The following CPB1 variants were observed in gnomAD, a reference collection of about 807,000 sequenced individuals.
CPB1 encodes the protein carboxypeptidase B1.
Under a neutral mutation model 51.4 loss-of-function variants are expected in CPB1, and 53 were observed. The observed-to-expected ratio is 1.03, with a 90% confidence interval of 0.83 to 1.30. The LOEUF is 1.30. Ranked by LOEUF, CPB1 falls within the 50% of genes most tolerant of loss-of-function variation. The pLI, the probability that CPB1 is intolerant of heterozygous loss-of-function variation, is 0.00. For missense variants in CPB1, 494 were observed against 516.2 expected (o/e 0.96, Z 0.42); for synonymous variants, 189 against 186.9 (o/e 1.01, Z -0.09).
At chr3:148,851,644 T>C (rs1713435418) in intron 9 of CPB1, 1 of 152,252 alleles carries the variant, frequency 6.6e-6, no homozygotes, top group Admixed American at 6.5e-5. Flanking sequence ...GTTCTGAGCT[T>C]TGAAGTCTGG....
At chr3:148,845,321 A>G in intron 8 of CPB1, 103 bp from the exon 9 acceptor site, 1 of 904,394 alleles carries the variant, frequency 1.1e-6, no homozygotes. Flanking sequence ...GGACTCCTTG[A>G]TAAGGACTCC....
intron 3 of CPB1, among the ~76,000 whole-genome samples, chr3:148,839,700 T>A (rs1713020159): frequency 6.6e-6 from 1 of 152,330 alleles, no homozygotes; most frequent in East Asian, 1.9e-4. Context: ...ACATACTTCA[T>A]CAGAATGTCC....
chr3:148,851,546 G>A (rs1358811452), intron 9 of CPB1: 3 of 152,140 alleles, frequency 2.0e-5, no homozygotes, highest in Non-Finnish European at 4.4e-5. Context: ...GGAGTTTCCA[G>A]TTAGTGCAAT....
At chr3:148,841,085 T>C in intron 5 of CPB1, 110 bp downstream of exon 5, 1 of 859,370 alleles carries the variant, frequency 1.2e-6, no homozygotes, top group Non-Finnish European at 1.8e-6. Context: ...TTGTTATAAC[T>C]CTTTCCTGCC....
In CPB1 at chr3:148,828,039, C is replaced by T. The variant is rs1296284204; in HGVS notation, c.109C>T (p.His37Tyr). The change falls in exon 2 of 11, where the codon CAC (histidine) becomes TAC (tyrosine). Residue 37 changes from histidine to tyrosine, a missense_variant. By Grantham distance (83) the His-to-Tyr change is moderately conservative (BLOSUM62 2). Coordinates refer to ENST00000282957, the MANE Select transcript of CPB1 (RefSeq NM_001871.3). ...VFRVNVEDEN[H>Y]INIIRELAST... Reference sequence around the variant, plus strand: ...CCGTGTTAACGTTGAAGATGAAAATCACATTAACATAATCCGCGAGTTGGC... The same window carrying T: ...CCGTGTTAACGTTGAAGATGAAAATTACATTAACATAATCCGCGAGTTGGC... 3 of 1,614,080 alleles carry T rather than the reference C, an allele frequency of 1.9e-6. No individual in the cohort carries two copies. Among genetic ancestry groups the T allele is most frequent in the African/African-American group, 2.7e-5 (2 of 75,032 alleles).
intron 3 of CPB1, 99 bp downstream of exon 3, chr3:148,834,721 A>T: frequency 8.5e-7 from 1 of 1,180,636 alleles, no homozygotes; most frequent in Non-Finnish European, 1.2e-6. Flanking sequence ...ACCAAGACCA[A>T]TGCCTTCCCC....
chr3:148,855,053 G>A (rs952060279), intron 9 of CPB1: 5 of 152,266 alleles, frequency 3.3e-5, no homozygotes, highest in African/African-American at 1.2e-4. Context: ...ATCTACCTCA[G>A]AAGGAACACG....
In CPB1 at chr3:148,842,003, T is replaced by C. The variant is rs779424164; in HGVS notation, c.576+79T>C. On this transcript the variant is annotated intron_variant, in intron 6 of 10. Coordinates refer to ENST00000282957, the MANE Select transcript of CPB1 (RefSeq NM_001871.3). ...TTAATTCCTTAAAACCTAGAGAGAA[T>C]AATAACACAGAAAAAAATACACAAT... 160 of 1,084,478 alleles carry C rather than the reference T, an allele frequency of 1.5e-4. 1 individual carries two copies. The highest frequency in any genetic ancestry group is 6.2e-4 in the Middle Eastern group (3 of 4,834). 67.2% of individuals were successfully genotyped at this position (1,084,478 alleles called of 1,614,324 possible).
chr3:148,854,116 C>A (rs1013860919), intron 9 of CPB1: 3 of 151,964 alleles, frequency 2.0e-5, no homozygotes, highest in African/African-American at 7.3e-5. Context: ...AAAGAGTTAC[C>A]ACTCTAAATT....
intron 8 of CPB1, 57 bp from the exon 9 acceptor site, chr3:148,845,367 A>T (rs960889598): frequency 3.3e-6 from 5 of 1,522,046 alleles, no homozygotes; most frequent in Non-Finnish European, 4.5e-6. Flanking sequence ...AGTTTAAAAC[A>T]TCCCCACAAG....
intron 10 of CPB1, among the ~76,000 whole-genome samples, chr3:148,859,339 T>C (rs1032250084): frequency 6.6e-6 from 1 of 152,240 alleles, no homozygotes; most frequent in Non-Finnish European, 1.5e-5. Flanking sequence ...ATATACCTTA[T>C]CTACACCAGG....
chr3:148,832,415 G>A (rs1042308079), intron 2 of CPB1, among the ~76,000 whole-genome samples: 8 of 152,004 alleles, frequency 5.3e-5, no homozygotes, highest in African/African-American at 1.5e-4. Flanking sequence ...TGAGTGGAAA[G>A]CTAGCATCTT....
chr3:148,848,139 A>G (rs1227307566), intron 9 of CPB1, among the ~76,000 whole-genome samples: 1 of 152,178 alleles, frequency 6.6e-6, no homozygotes, highest in African/African-American at 2.4e-5. Context: ...CTTCCAGAGC[A>G]CATTTTGCTA....
Position 148,841,807 on chromosome 3 carries a change from C to T in CPB1, c.475-16C>T. On this transcript the variant is annotated splice_polypyrimidine_tract_variant and intron_variant, in intron 5 of 10. Coordinates refer to ENST00000282957, the MANE Select transcript of CPB1 (RefSeq NM_001871.3). Reference sequence around the variant, plus strand: ...ATGATGAATCATGGTTTCCCTTTTCCTTTTGTTTGCAATAGGTTGGCAAAG... The same window carrying T: ...ATGATGAATCATGGTTTCCCTTTTCTTTTTGTTTGCAATAGGTTGGCAAAG... 6.2e-7 allele frequency: 1 copy of T among 1,608,830 alleles called. No individual in the cohort carries two copies. Among genetic ancestry groups the T allele is most frequent in the Non-Finnish European group, 8.5e-7 (1 of 1,175,518 alleles).
intron 5 of CPB1, 109 bp downstream of exon 5, chr3:148,841,084 C>A: frequency 2.3e-6 from 2 of 860,076 alleles, no homozygotes; most frequent in Non-Finnish European, 3.6e-6. Context: ...ATTGTTATAA[C>A]TCTTTCCTGC....
chr3:148,855,290 G>A (rs748196090), intron 9 of CPB1: 3 of 152,086 alleles, frequency 2.0e-5, no homozygotes, highest in Non-Finnish European at 2.9e-5. Context: ...ACCTGTGACA[G>A]GAATAAAATA....
intron 10 of CPB1, among the ~76,000 whole-genome samples, chr3:148,859,210 T>C (rs1713680294): frequency 6.6e-6 from 1 of 152,168 alleles, no homozygotes; most frequent in East Asian, 1.9e-4. Context: ...TGCTGTTCAG[T>C]GGGGGCTATA....
At position 148,840,796 on chromosome 3, in the gene CPB1, C is replaced by T; in HGVS notation, c.372+11C>T. 2 of 1,613,514 alleles carry T rather than the reference C, an allele frequency of 1.2e-6. No homozygotes were observed. Among genetic ancestry groups the T allele is most frequent in the Non-Finnish European group, 1.7e-6 (2 of 1,179,498 alleles). The stretch of plus-strand genomic sequence containing the variant: ...AACAAGTGGGAAACGGTATGATGTG[C>T]ACATGATTTAGACAGATATTACTTT... On this transcript the variant is annotated intron_variant, in intron 4 of 10. Transcript: ENST00000282957.
chr3:148,835,465 A>C (rs1270686093), intron 3 of CPB1, among the ~76,000 whole-genome samples: 2 of 152,180 alleles, frequency 1.3e-5, no homozygotes, highest in Non-Finnish European at 2.9e-5. Flanking sequence ...ATGATTCTTC[A>C]GCTGAGAACT....
Sources: gnomAD v4.1 joint callset for allele counts (sites outside exome capture counted in the v4.1 genomes callset) on GRCh38, gnomAD v4.1.1 for gene constraint, MANE v1.5 for transcripts, NCBI Gene and HGNC (gene_info 2026-07-23, HGNC 2026-07-21) for gene names.